EMP2: variants seen among roughly 807,000 people sequenced by gnomAD.
EMP2 encodes epithelial membrane protein 2.
EMP2 carries 19 observed loss-of-function variants against 13.7 expected under a neutral mutation model. That is an observed-to-expected ratio of 1.38 (90% CI 0.97 to 2.03). The LOEUF is 2.03. Among genes scored for constraint, EMP2 ranks in the 30% most tolerant of loss-of-function variants. EMP2 has a pLI of 0.00. For synonymous variants in EMP2, 97 were observed against 84.7 expected, an observed-to-expected ratio of 1.15 and a Z score of -0.80; for missense variants, 253 against 220.7, an observed-to-expected ratio of 1.15 and a Z score of -0.93.
In EMP2 at chr16:10,532,986, G is replaced by A. The variant is rs747376947; in HGVS notation, c.423C>T (p.Tyr141=). ...AGGCCACCCACGCCAGGATGTAGGAGTAGCCGTAGCTGCCTTCTCTGGTCA... is the reference window on the plus strand; with the variant it reads ...AGGCCACCCACGCCAGGATGTAGGAATAGCCGTAGCTGCCTTCTCTGGTCA... ...YPVTREGSYG[Y]SYILAWVAFA... The change falls in exon 5 of 5, where the codon TAC becomes TAT. Residue 141 remains tyrosine, a synonymous_variant. Coordinates refer to ENST00000359543, the MANE Select transcript of EMP2 (RefSeq NM_001424.6). 1.2e-6 allele frequency: 2 copies of A among 1,611,854 alleles called. No individual in the cohort carries two copies. Among genetic ancestry groups the A allele is most frequent in the African/African-American group, 1.3e-5 (1 of 74,958 alleles).
At chr16:10,547,375 C>G (rs1031660812) in intron 2 of EMP2, 165 bp downstream of exon 2, 1 of 722,008 alleles carries the variant, frequency 1.4e-6, no homozygotes, top group Middle Eastern at 2.8e-4. Context: ...TCTGCAGAGG[C>G]CTCCCAGACA....
At position 10,561,198 on chromosome 16, in the gene EMP2, C is replaced by T. The variant is rs138469017; in HGVS notation, c.-60-13521G>A. Among the ~76,000 whole-genome samples, 800 of 152,174 alleles carry T rather than the reference C, an allele frequency of 5.3e-3. 3 individuals carry two copies. The highest frequency in any genetic ancestry group is 0.01 in the Middle Eastern group (3 of 294). ...GGAAGAGGGCACATGATTCTAGTGCCGTGATCTGCACTGGGACAGGAAGCA... is the reference window on the plus strand; with the variant it reads ...GGAAGAGGGCACATGATTCTAGTGCTGTGATCTGCACTGGGACAGGAAGCA... On this transcript the variant is annotated intron_variant, in intron 1 of 4. Coordinates refer to ENST00000359543, the MANE Select transcript of EMP2 (RefSeq NM_001424.6).
At chr16:10,543,699 T>C in intron 2 of EMP2, 39 bp from the exon 3 acceptor site, 1 of 1,598,782 alleles carries the variant, frequency 6.3e-7, no homozygotes, top group Non-Finnish European at 8.6e-7. Flanking sequence ...AGGCCGTCCG[T>C]TCATGATGCA....
chr16:10,563,787 G>A (rs192950516), intron 1 of EMP2, among the ~76,000 whole-genome samples: 3 of 152,186 alleles, frequency 2.0e-5, no homozygotes, highest in Non-Finnish European at 4.4e-5. Context: ...TCTAAAGTGG[G>A]GATGACATTG....
At chr16:10,537,318 G>C (rs1293697831) in intron 4 of EMP2, among the ~76,000 whole-genome samples, 2 of 152,182 alleles carry the variant, frequency 1.3e-5, no homozygotes, top group Admixed American at 6.5e-5. Context: ...AGTTCCTCCA[G>C]GACTGAGGCT....
At chr16:10,561,612 G>A (rs750392297) in intron 1 of EMP2, among the ~76,000 whole-genome samples, 18 of 152,174 alleles carry the variant, frequency 1.2e-4, no homozygotes, top group South Asian at 4.1e-4. Context: ...ACAGTTTTAG[G>A]GAAGTGAACT....
In EMP2 at chr16:10,580,064, C is replaced by A. The variant is rs1332816502; in HGVS notation, c.-61+485G>T. Among the ~76,000 whole-genome samples the A allele has an allele frequency of 6.6e-6, 1 of 152,152 alleles. No individual in the cohort carries two copies. Among genetic ancestry groups the A allele is most frequent in the Non-Finnish European group, 1.5e-5 (1 of 68,020 alleles). ...CCACCGTTCCTGACCCCCAAGAAGT[C>A]GCTCCTCGCCGCTCGGGGGCGCGAC... On this transcript the variant is annotated intron_variant, in intron 1 of 4. Transcript: ENST00000359543. This position sits in a 1 kb window ranked among gnomAD's most constrained non-coding sequence, Gnocchi z 4.3.
At chr16:10,576,222 T>C (rs985731046) in intron 1 of EMP2, among the ~76,000 whole-genome samples, 8 of 152,158 alleles carry the variant, frequency 5.3e-5, no homozygotes, top group Middle Eastern at 3.2e-3. Flanking sequence ...TCTGTTTTTA[T>C]GCCATGGGCC....
rs950638378 is a variant in EMP2, at chr16:10,538,137, C to T, written c.170-63G>A. ...TGGCCAGCCGGCACTGTGGGGTACA[C>T]AGCGACCGCAGCAGCTCCAGAGTAG... is the stretch of plus-strand genomic sequence containing the variant. On this transcript the variant is annotated intron_variant, in intron 3 of 4. Coordinates refer to ENST00000359543, the MANE Select transcript of EMP2 (RefSeq NM_001424.6). 1.9e-6 allele frequency: 3 copies of T among 1,577,348 alleles called. No homozygotes were observed. In the Admixed American group the frequency reaches 5.2e-5, roughly 27 times the overall value.
intron 4 of EMP2, among the ~76,000 whole-genome samples, chr16:10,536,455 A>G (rs1050453206): frequency 3.9e-5 from 6 of 152,078 alleles, no homozygotes; most frequent in African/African-American, 1.4e-4. Context: ...GGTAGTGAGT[A>G]AGTCTCACAA....
intron 1 of EMP2, among the ~76,000 whole-genome samples, chr16:10,577,701 C>G (rs2050993129): frequency 6.6e-6 from 1 of 151,868 alleles, no homozygotes; most frequent in South Asian, 2.1e-4. Flanking sequence ...GACACCCGGA[C>G]ACACACACAC....
At position 10,537,779 on chromosome 16, in the gene EMP2, C is replaced by T; in HGVS notation, c.316+149G>A. ...ATGCGCCCACACACACACACACACACACGCAAACACACACCGGCACACAGC... is the reference window on the plus strand; with the variant it reads ...ATGCGCCCACACACACACACACACATACGCAAACACACACCGGCACACAGC... On this transcript the variant is annotated intron_variant, in intron 4 of 4. Coordinates refer to ENST00000359543, the MANE Select transcript of EMP2 (RefSeq NM_001424.6). 8.6e-6 allele frequency: 8 copies of T among 935,318 alleles called. No homozygotes were observed. The South Asian group carries it at 1.3e-4, about 15-fold the overall frequency. The allele number at this position is 935,318 out of a possible 1,614,324, so 57.9% of individuals were successfully genotyped here. A position where few individuals can be genotyped will look rare whatever the true frequency, so the allele number is the denominator to read the frequency against.
intron 1 of EMP2, among the ~76,000 whole-genome samples, chr16:10,550,491 G>C (rs1273595521): frequency 6.6e-6 from 1 of 152,054 alleles, no homozygotes; most frequent in South Asian, 2.1e-4. Flanking sequence ...ATTTGTGTTC[G>C]ATGTTTCCTG....
Position 10,532,980 on chromosome 16 carries a change from G to A in EMP2, c.429C>T (p.Tyr143=). The A allele has an allele frequency of 1.2e-6, 2 of 1,611,920 alleles. No homozygotes were observed. The change falls in exon 5 of 5, where the codon TAC becomes TAT. Residue 143 remains tyrosine (Y), a synonymous_variant. Transcript: ENST00000359543. ...VTREGSYGYS[Y]ILAWVAFACT... ...AGGCGAAGGCCACCCACGCCAGGAT[G>A]TAGGAGTAGCCGTAGCTGCCTTCTC...
intron 1 of EMP2, among the ~76,000 whole-genome samples, chr16:10,569,220 A>G (rs891188955): frequency 6.6e-6 from 1 of 152,256 alleles, no homozygotes; most frequent in South Asian, 2.1e-4. Flanking sequence ...CTCAGTGTCA[A>G]TCACACCACT....
rs144277015 is a variant in EMP2, at chr16:10,528,434, T to C, written c.*4471A>G. ...CAGAGGGAGATTGTCCAGTGATAAATTGTCCATTTATCAGTTGCTTAGTGT... is the reference window on the plus strand; with the variant it reads ...CAGAGGGAGATTGTCCAGTGATAAACTGTCCATTTATCAGTTGCTTAGTGT... On this transcript the variant is annotated 3_prime_UTR_variant, in exon 5 of 5. Transcript: ENST00000359543. 39 of 152,320 alleles carry C rather than the reference T, an allele frequency of 2.6e-4. No homozygotes were observed. Among genetic ancestry groups the C allele is most frequent in the African/African-American group, 9.1e-4 (38 of 41,564 alleles). 9.4% of individuals were successfully genotyped at this position (152,320 alleles called of 1,614,324 possible).
chr16:10,542,639 C>T (rs1252494961), intron 3 of EMP2, among the ~76,000 whole-genome samples: 1 of 152,142 alleles, frequency 6.6e-6, no homozygotes. Context: ...AAAAACAGAA[C>T]CATTCACTTC....
At chr16:10,553,134 G>A (rs1479775842) in intron 1 of EMP2, among the ~76,000 whole-genome samples, 1 of 152,164 alleles carries the variant, frequency 6.6e-6, no homozygotes, top group Non-Finnish European at 1.5e-5. Flanking sequence ...CACAAGTAGC[G>A]GAAATCCCCC....
At chr16:10,578,544 C>G (rs1173623255) in intron 1 of EMP2, among the ~76,000 whole-genome samples, 1 of 152,304 alleles carries the variant, frequency 6.6e-6, no homozygotes, top group African/African-American at 2.4e-5. Flanking sequence ...GCGGGTGCAC[C>G]CCCTCCTCCA....
Sources: allele counts gnomAD v4.1 joint callset (sites outside exome capture counted in the v4.1 genomes callset), GRCh38; gene constraint gnomAD v4.1.1; non-coding constraint Gnocchi (gnomAD v3.1); transcripts MANE v1.5; gene names NCBI Gene and HGNC (gene_info 2026-07-23, HGNC 2026-07-21).